The following EXOC4 variants were observed in gnomAD, a reference collection of about 807,000 sequenced individuals.
The protein encoded by EXOC4 is SEC8-like 1.
A neutral mutation model predicts 107.2 loss-of-function variants in EXOC4; 71 were observed. That is an observed-to-expected ratio of 0.66 (90% CI 0.55 to 0.81). The LOEUF is 0.81. Among genes scored for constraint, EXOC4 ranks in the 30% least tolerant of loss-of-function variants. The probability of loss-of-function intolerance (pLI) is 0.00; values close to 1 mark genes in which losing one functional copy is unlikely to be tolerated. For synonymous variants in EXOC4, 456 were observed against 441.2 expected, an observed-to-expected ratio of 1.03 and a Z score of -0.42; for missense variants, 1,108 against 1,189.6, an observed-to-expected ratio of 0.93 and a Z score of 1.01.
intron 7 of EXOC4, among the ~76,000 whole-genome samples, chr7:133,381,034 C>A (rs1327098255): frequency 2.0e-5 from 3 of 152,046 alleles, no homozygotes; most frequent in African/African-American, 7.2e-5. Flanking sequence ...GAAGAATGGC[C>A]TTAGTCATGA....
intron 10 of EXOC4, among the ~76,000 whole-genome samples, chr7:133,743,968 TGA>T (rs568922747): frequency 9.7e-4 from 148 of 152,270 alleles, no homozygotes; most frequent in Non-Finnish European, 1.7e-3. Flanking sequence ...GATAGGCTAC[TGA>T]GAGAGAGATT....
intron 14 of EXOC4, among the ~76,000 whole-genome samples, chr7:133,993,917 G>C (rs1215315529): frequency 6.6e-6 from 1 of 152,180 alleles, no homozygotes; most frequent in Non-Finnish European, 1.5e-5. Context: ...ACCACCTCTA[G>C]CAACAAATAG....
chr7:133,358,242 A>G (rs1796067015), intron 6 of EXOC4, among the ~76,000 whole-genome samples: 1 of 152,150 alleles, frequency 6.6e-6, no homozygotes, highest in South Asian at 2.1e-4. Context: ...CAAAAACACC[A>G]AAAGTAAATA....
At chr7:133,972,807 T>C (rs577047165) in intron 14 of EXOC4, among the ~76,000 whole-genome samples, 1 of 152,324 alleles carries the variant, frequency 6.6e-6, no homozygotes, top group South Asian at 2.1e-4. Context: ...GAAATTTGGC[T>C]TCCCTGTTTT....
intron 17 of EXOC4, among the ~76,000 whole-genome samples, chr7:134,059,888 T>C (rs1373016829): frequency 6.6e-6 from 1 of 152,322 alleles, no homozygotes; most frequent in East Asian, 1.9e-4. Context: ...CAGAGGAAGA[T>C]AAAATTTTGT....
At chr7:133,796,714 C>T (rs1426881553) in intron 10 of EXOC4, among the ~76,000 whole-genome samples, 1 of 152,112 alleles carries the variant, frequency 6.6e-6, no homozygotes, top group African/African-American at 2.4e-5. Context: ...GCCGAGATCG[C>T]GCCACTGCAT....
At chr7:133,394,760 A>G (rs890484775) in intron 7 of EXOC4, among the ~76,000 whole-genome samples, 3 of 152,162 alleles carry the variant, frequency 2.0e-5, no homozygotes, top group African/African-American at 7.2e-5. Flanking sequence ...ATGTTTGCCA[A>G]ATGGGAAGGC....
intron 11 of EXOC4, among the ~76,000 whole-genome samples, chr7:133,823,900 TATATATATATAA>T (rs1248027786): frequency 4.7e-4 from 13 of 27,930 alleles, no homozygotes; most frequent in South Asian, 1.3e-3. Flanking sequence ...ATATTTTATA[TATATATATATAA>T]ATATATATAT....
chr7:133,586,723 C>G (rs1283234949), intron 9 of EXOC4, among the ~76,000 whole-genome samples: 1 of 152,322 alleles, frequency 6.6e-6, no homozygotes, highest in Middle Eastern at 3.4e-3. Context: ...AAACACATGA[C>G]ATACTCATAG....
chr7:133,356,660 A>T, intron 6 of EXOC4, 87 bp downstream of exon 6: 1 of 1,471,932 alleles, frequency 6.8e-7, no homozygotes, highest in East Asian at 2.3e-5. Flanking sequence ...CCTTCTGTTG[A>T]TGTTGTTTTC....
intron 12 of EXOC4, among the ~76,000 whole-genome samples, chr7:133,914,890 A>G (rs1799771076): frequency 6.6e-6 from 1 of 152,222 alleles, no homozygotes; most frequent in Non-Finnish European, 1.5e-5. Context: ...GAACTACCAA[A>G]GAATATAAAG....
chr7:133,977,741 TGTG>T (rs757252803), intron 14 of EXOC4, among the ~76,000 whole-genome samples: 1,851 of 149,912 alleles, frequency 0.012, 35 homozygotes, highest in African/African-American at 0.042. Flanking sequence ...TGTTGTTTTG[TGTG>T]TGTGTGTGTG....
chr7:133,623,871 A>G (rs1348220405), intron 9 of EXOC4, among the ~76,000 whole-genome samples: 2 of 152,200 alleles, frequency 1.3e-5, no homozygotes, highest in Non-Finnish European at 2.9e-5. Context: ...GCATTAAGCC[A>G]TAATGATCGC....
chr7:133,653,707 G>C (rs1055549947), intron 10 of EXOC4, among the ~76,000 whole-genome samples: 1 of 152,158 alleles, frequency 6.6e-6, no homozygotes, highest in Non-Finnish European at 1.5e-5. Flanking sequence ...GAAAAGGTAA[G>C]CCTGACTTTA....
intron 3 of EXOC4, among the ~76,000 whole-genome samples, chr7:133,292,203 G>A (rs962134112): frequency 5.9e-5 from 9 of 152,290 alleles, no homozygotes; most frequent in African/African-American, 7.2e-5. Flanking sequence ...AATTAGATGG[G>A]TGTGGTGGTG....
At chr7:134,064,245 T>A (rs763584406) in intron 17 of EXOC4, 46 bp from the exon 18 acceptor site, 6 of 1,308,314 alleles carry the variant, frequency 4.6e-6, no homozygotes, top group Admixed American at 2.7e-5. Flanking sequence ...CGAGACGACG[T>A]TACCAGTGGG....
At chr7:133,989,025 G>C (rs1431419729) in intron 14 of EXOC4, among the ~76,000 whole-genome samples, 1 of 152,178 alleles carries the variant, frequency 6.6e-6, no homozygotes, top group African/African-American at 2.4e-5. Context: ...AAGAAGCAGA[G>C]ACACCAGTCA....
intron 14 of EXOC4, among the ~76,000 whole-genome samples, chr7:133,971,748 G>T (rs183282330): frequency 6.6e-6 from 1 of 152,238 alleles, no homozygotes; most frequent in East Asian, 1.9e-4. Context: ...CACCAAGAAG[G>T]ACATTAATTC....
At chr7:133,445,478 T>C (rs1798197188) in intron 7 of EXOC4, among the ~76,000 whole-genome samples, 1 of 152,186 alleles carries the variant, frequency 6.6e-6, no homozygotes, top group African/African-American at 2.4e-5. Flanking sequence ...AAGGCTTTGA[T>C]TCATATGCCA....
Sources: gnomAD v4.1 joint callset for allele counts (sites outside exome capture counted in the v4.1 genomes callset) on GRCh38, gnomAD v4.1.1 for gene constraint, MANE v1.5 for transcripts, NCBI Gene and HGNC (gene_info 2026-07-23, HGNC 2026-07-21) for gene names.